Variants in ABCB1 observed in about 807,000 individuals in gnomAD.
ABCB1 encodes ATP-dependent translocase ABCB1.
A neutral mutation model predicts 142.0 loss-of-function variants in ABCB1; 69 were observed. That is an observed-to-expected ratio of 0.49 (90% CI 0.40 to 0.59). The LOEUF (loss-of-function observed/expected upper bound fraction) is 0.59, where lower values mean the gene tolerates loss of function less well. ABCB1 is among the 20% of genes least tolerant of loss of function. The pLI is 0.00. For synonymous variants in ABCB1, 532 were observed against 539.2 expected (o/e 0.99, Z 0.18); for missense variants, 1,326 against 1,554.7 (o/e 0.85, Z 2.47).
At chr7:87,622,786 C>G (rs376292059) in intron 1 of ABCB1, among the ~76,000 whole-genome samples, 1 of 151,968 alleles carries the variant, frequency 6.6e-6, no homozygotes, top group African/African-American at 2.4e-5. Flanking sequence ...AATCCCCACA[C>G]TTGAGGGGCC....
intron 1 of ABCB1, among the ~76,000 whole-genome samples, chr7:87,696,128 A>G (rs989967666): frequency 1.3e-5 from 2 of 152,150 alleles, no homozygotes; most frequent in Non-Finnish European, 2.9e-5. Context: ...AATACTTATA[A>G]TTGAAAGCAT....
At chr7:87,677,118 A>G (rs917897023) in intron 1 of ABCB1, among the ~76,000 whole-genome samples, 1 of 152,090 alleles carries the variant, frequency 6.6e-6, no homozygotes, top group African/African-American at 2.4e-5. Context: ...CAGCAGTTCT[A>G]CTTCTGGGTT....
chr7:87,693,778 G>A, intron 1 of ABCB1: 4 of 741,710 alleles, frequency 5.4e-6, no homozygotes, highest in Non-Finnish European at 8.8e-6. Flanking sequence ...TATTTAGTAG[G>A]TAAAAGTAGT....
chr7:87,645,081 C>CTTTTTTTTTT, intron 1 of ABCB1, among the ~76,000 whole-genome samples: 1 of 128,098 alleles, frequency 7.8e-6, no homozygotes, highest in Non-Finnish European at 1.7e-5. Context: ...TGCTTTCTTT[C>CTTTTTTTTTT]TTTTTTTTTT....
intron 3 of ABCB1, among the ~76,000 whole-genome samples, chr7:87,593,176 C>T (rs997677890): frequency 2.0e-5 from 3 of 152,196 alleles, no homozygotes; most frequent in Admixed American, 2.0e-4. Context: ...ATCTGCCCAC[C>T]TTAGCCTTCC....
intron 1 of ABCB1, among the ~76,000 whole-genome samples, chr7:87,692,224 G>C (rs575410919): frequency 1.6e-3 from 241 of 152,210 alleles, no homozygotes; most frequent in Non-Finnish European, 2.8e-3. Context: ...ACCACGGCAG[G>C]ATAATCCATT....
At chr7:87,710,785 A>G (rs1312465892) in intron 1 of ABCB1, 6 of 513,996 alleles carry the variant, frequency 1.2e-5, no homozygotes, top group Non-Finnish European at 1.7e-5. Flanking sequence ...GTTACTACTC[A>G]GATAAATCCA....
chr7:87,552,130 T>C (rs1817099437), intron 9 of ABCB1, among the ~76,000 whole-genome samples: 2 of 152,256 alleles, frequency 1.3e-5, no homozygotes, highest in Admixed American at 6.5e-5. Flanking sequence ...TTTATCAGGT[T>C]GTCTTTTTTG....
intron 1 of ABCB1, among the ~76,000 whole-genome samples, chr7:87,656,264 A>G (rs1004230775): frequency 1.3e-5 from 2 of 152,090 alleles, no homozygotes; most frequent in Non-Finnish European, 2.9e-5. Context: ...AAAAATTTTT[A>G]AATAATTTTT....
At chr7:87,524,177 G>GT (rs1316648440) in intron 21 of ABCB1, among the ~76,000 whole-genome samples, 1 of 151,534 alleles carries the variant, frequency 6.6e-6, no homozygotes, top group African/African-American at 2.4e-5. Context: ...AAAAAAATTA[G>GT]TAACATTCTT....
intron 12 of ABCB1, 23 bp downstream of exon 12, chr7:87,550,148 C>G (rs1330452817): frequency 1.9e-6 from 3 of 1,614,054 alleles, no homozygotes; most frequent in Admixed American, 3.3e-5. Flanking sequence ...ACCGCAGGGT[C>G]TAGCTCGCAT....
upstream of ABCB1, among the ~76,000 whole-genome samples, chr7:87,602,365 G>A (rs1024658329): frequency 8.4e-6 from 1 of 119,532 alleles, no homozygotes; most frequent in African/African-American, 3.3e-5. Context: ...TTTTCCACAT[G>A]TTCTAATTGC....
intron 14 of ABCB1, among the ~76,000 whole-genome samples, chr7:87,547,480 C>A (rs1816833373): frequency 6.6e-6 from 1 of 152,108 alleles, no homozygotes. Context: ...GTAATTCCAG[C>A]ACTTTGGGAG....
intron 1 of ABCB1, among the ~76,000 whole-genome samples, chr7:87,656,118 A>G (rs1329897543): frequency 6.6e-6 from 1 of 152,140 alleles, no homozygotes; most frequent in Non-Finnish European, 1.5e-5. Context: ...GGGTATTGTT[A>G]TAGCAATACA....
intron 1 of ABCB1, among the ~76,000 whole-genome samples, chr7:87,667,136 T>G (rs1825336665): frequency 6.6e-6 from 1 of 152,164 alleles, no homozygotes; most frequent in South Asian, 2.1e-4. Flanking sequence ...GGGATGTTTA[T>G]CCATTTGTGT....
chr7:87,505,434 A>G (rs1465176654), intron 27 of ABCB1, among the ~76,000 whole-genome samples: 1 of 152,234 alleles, frequency 6.6e-6, no homozygotes, highest in Non-Finnish European at 1.5e-5. Flanking sequence ...GCAAAGGCCA[A>G]ATACAGACTC....
chr7:87,593,991 A>G (rs1413337200), intron 3 of ABCB1, among the ~76,000 whole-genome samples: 2 of 152,156 alleles, frequency 1.3e-5, no homozygotes, highest in Admixed American at 6.5e-5. Flanking sequence ...TGAACACACA[A>G]TGTTTTTTGT....
intron 1 of ABCB1, among the ~76,000 whole-genome samples, chr7:87,628,064 A>G (rs1426624461): frequency 6.6e-6 from 1 of 152,212 alleles, no homozygotes; most frequent in Non-Finnish European, 1.5e-5. Flanking sequence ...CTAGGCAGGC[A>G]CTGAAGCTAC....
chr7:87,694,107 T>G (rs1828280451), intron 1 of ABCB1: 4 of 1,445,830 alleles, frequency 2.8e-6, no homozygotes, highest in African/African-American at 2.9e-5. Flanking sequence ...TTTGTTTTTT[T>G]TTTTTAATCC....
Sources: allele counts gnomAD v4.1 joint callset (sites outside exome capture counted in the v4.1 genomes callset), GRCh38; gene constraint gnomAD v4.1.1; transcripts MANE v1.5; gene names NCBI Gene and HGNC (gene_info 2026-07-23, HGNC 2026-07-21).